ASB3: variants seen among roughly 807,000 people sequenced by gnomAD.
The protein encoded by ASB3 is ankyrin repeat and SOCS box containing 3.
A neutral mutation model predicts 54.5 loss-of-function variants in ASB3; 41 were observed. That is an observed-to-expected ratio of 0.75 (90% confidence interval 0.59 to 0.98). The LOEUF (loss-of-function observed/expected upper bound fraction) is 0.98. Among genes scored for constraint, ASB3 ranks in the 50% least tolerant of loss-of-function variants. ASB3 has a pLI of 0.00. For synonymous variants in ASB3, 266 were observed against 221.2 expected, an observed-to-expected ratio of 1.20 and a Z score of -1.80; for missense variants, 733 against 620.0, an observed-to-expected ratio of 1.18 and a Z score of -1.94.
At chr2:53,691,056 G>A (rs1383559915) in intron 9 of ASB3, among the ~76,000 whole-genome samples, 1 of 152,152 alleles carries the variant, frequency 6.6e-6, no homozygotes, top group Non-Finnish European at 1.5e-5. Context: ...TTTCTAAGAG[G>A]TATGTAAGAG....
Position 53,716,872 on chromosome 2 carries a change from ATGT to A in ASB3, c.605-132_605-130del, listed in dbSNP as rs1670426791. On this transcript the variant is annotated intron_variant, in intron 5 of 9. Coordinates refer to ENST00000263634, the MANE Select transcript of ASB3 (RefSeq NM_016115.5). ...CTTTTCCCTCTTCACTGAATGTTGGATGTTGTTATATAAACATATTTACTTTGC... is the reference window on the plus strand; with the variant it reads ...CTTTTCCCTCTTCACTGAATGTTGGATGTTATATAAACATATTTACTTTGC... 5 of 1,025,802 alleles carry A rather than the reference ATGT, an allele frequency of 4.9e-6. No homozygotes were observed. In the East Asian group the frequency reaches 1.3e-4, roughly 27 times the overall value. 63.5% of individuals were successfully genotyped at this position (1,025,802 alleles called of 1,614,324 possible). A position where few individuals can be genotyped will look rare whatever the true frequency, so the allele number is the denominator to read the frequency against.
chr2:53,718,647 AT>A (rs551898245), intron 5 of ASB3, among the ~76,000 whole-genome samples: 56 of 152,286 alleles, frequency 3.7e-4, no homozygotes, highest in African/African-American at 1.3e-3. Flanking sequence ...TAATAATAGG[AT>A]CAAAACCTCA....
intron 9 of ASB3, among the ~76,000 whole-genome samples, chr2:53,671,336 T>A (rs1667801921): frequency 6.6e-6 from 1 of 150,462 alleles, no homozygotes; most frequent in East Asian, 2.0e-4. Flanking sequence ...CAAACTCAGA[T>A]CTATCTGAAC....
chr2:53,761,887 T>C (rs1020950795), intron 2 of ASB3, among the ~76,000 whole-genome samples: 1 of 152,234 alleles, frequency 6.6e-6, no homozygotes, highest in Non-Finnish European at 1.5e-5. Flanking sequence ...ACTGAATCAC[T>C]AGTTATAACA....
intron 3 of ASB3, among the ~76,000 whole-genome samples, chr2:53,748,843 G>A (rs113948174): frequency 3.9e-5 from 6 of 151,990 alleles, no homozygotes; most frequent in African/African-American, 9.7e-5. Context: ...AGACATTCAC[G>A]AAAAAATTGA....
rs148666496 is a variant in ASB3 at position 53,741,734 on chromosome 2, T to C, written c.355+9049A>G. On this transcript the variant is annotated intron_variant, in intron 3 of 9. Coordinates refer to ENST00000263634, the MANE Select transcript of ASB3 (RefSeq NM_016115.5). Reference sequence around the variant, plus strand: ...TGAATATGGACTTCCAATTTTAATATTGTAGCACAATATAGGCATTTCCCT... The same window carrying C: ...TGAATATGGACTTCCAATTTTAATACTGTAGCACAATATAGGCATTTCCCT... Among the ~76,000 whole-genome samples, 134 of 152,348 alleles carry C rather than the reference T, an allele frequency of 8.8e-4. 1 individual carries two copies. Among genetic ancestry groups the C allele is most frequent in the African/African-American group, 3.1e-3 (127 of 41,590 alleles).
intron 5 of ASB3, among the ~76,000 whole-genome samples, chr2:53,718,799 C>T (rs1394721630): frequency 1.3e-5 from 2 of 151,868 alleles, no homozygotes; most frequent in African/African-American, 4.8e-5. Context: ...ACCCATCCAT[C>T]TGCTGCCTTC....
intron 1 of ASB3, among the ~76,000 whole-genome samples, chr2:53,783,182 A>C (rs1419561439): frequency 1.3e-5 from 2 of 152,174 alleles, no homozygotes; most frequent in Admixed American, 6.5e-5. Context: ...AATATTTAAA[A>C]GTTATAAGTG....
At chr2:53,701,345 T>G (rs1368298827) in intron 7 of ASB3, among the ~76,000 whole-genome samples, 4 of 152,224 alleles carry the variant, frequency 2.6e-5, no homozygotes, top group Non-Finnish European at 4.4e-5. Flanking sequence ...TTAAAATTAA[T>G]TAACTTCTAT....
At chr2:53,768,083 C>T (rs1673619047) in intron 1 of ASB3, 11 of 1,575,138 alleles carry the variant, frequency 7.0e-6, no homozygotes, top group South Asian at 2.2e-5. Flanking sequence ...CAACTCCACA[C>T]ACAGCACCCA....
intron 5 of ASB3, among the ~76,000 whole-genome samples, chr2:53,718,031 T>A (rs900967618): frequency 6.6e-6 from 1 of 152,160 alleles, no homozygotes; most frequent in Non-Finnish European, 1.5e-5. Flanking sequence ...TTGAGAAATA[T>A]TTGATAATGT....
intron 7 of ASB3, among the ~76,000 whole-genome samples, chr2:53,705,454 T>C (rs894832651): frequency 3.3e-5 from 5 of 152,210 alleles, no homozygotes; most frequent in Non-Finnish European, 7.4e-5. Context: ...CTGTACACCA[T>C]ACTGCTTCAC....
chr2:53,686,668 A>C (rs1315628963), intron 9 of ASB3, among the ~76,000 whole-genome samples: 1 of 152,142 alleles, frequency 6.6e-6, no homozygotes, highest in Non-Finnish European at 1.5e-5. Flanking sequence ...CATGTAAAAA[A>C]AAACACCTCT....
chr2:53,734,486 C>CA (rs887085065), intron 3 of ASB3, among the ~76,000 whole-genome samples: 7 of 152,280 alleles, frequency 4.6e-5, no homozygotes, highest in Admixed American at 1.3e-4. Context: ...TTCATTCATT[C>CA]AACAAATGTC....
At chr2:53,742,779 A>C (rs946287410) in intron 3 of ASB3, among the ~76,000 whole-genome samples, 1 of 152,140 alleles carries the variant, frequency 6.6e-6, no homozygotes, top group African/African-American at 2.4e-5. Flanking sequence ...GAGAAAGAAA[A>C]ATAGAGAAAA....
At chr2:53,707,961 C>CAAAAAA (rs199571236) in intron 7 of ASB3, among the ~76,000 whole-genome samples, 1 of 113,810 alleles carries the variant, frequency 8.8e-6, no homozygotes. Context: ...GACTCTGTCT[C>CAAAAAA]AAAAAAAAAA....
At chr2:53,784,635 A>C (rs1446253122) in intron 1 of ASB3, among the ~76,000 whole-genome samples, 1 of 152,136 alleles carries the variant, frequency 6.6e-6, no homozygotes, top group African/African-American at 2.4e-5. Context: ...TTATAGACAC[A>C]TACTGCAATC....
intron 2 of ASB3, among the ~76,000 whole-genome samples, chr2:53,751,892 T>C (rs759465524): frequency 5.3e-5 from 8 of 152,218 alleles, no homozygotes; most frequent in African/African-American, 9.6e-5. Flanking sequence ...AGAGTAGTCA[T>C]ATTTTAAAAG....
In ASB3 at chr2:53,679,523, C is replaced by T. The variant is rs553993205; in HGVS notation, c.1370-8833G>A. 2.6e-5 allele frequency among the ~76,000 whole-genome samples: 4 copies of T among 152,102 alleles called. No individual in the cohort carries two copies. The South Asian group carries it at 8.3e-4, about 32-fold the overall frequency. ...GAAATGGGTCTACCTGAGGCTAATC[C>T]CGTCTCCAACTGGCCTACACGAAAT... On this transcript the variant is annotated intron_variant, in intron 9 of 9. Coordinates refer to ENST00000263634, the MANE Select transcript of ASB3 (RefSeq NM_016115.5).
Sources: allele counts gnomAD v4.1 joint callset (sites outside exome capture counted in the v4.1 genomes callset), GRCh38; gene constraint gnomAD v4.1.1; transcripts MANE v1.5; gene names NCBI Gene and HGNC (gene_info 2026-07-23, HGNC 2026-07-21).